Variants in G3BP2 observed in about 807,000 individuals in gnomAD.
G3BP2 encodes G3BP stress granule assembly factor 2.
In G3BP2, 11 loss-of-function variants were observed where a neutral mutation model predicts 56.7. That is an observed-to-expected ratio of 0.19 (90% CI 0.12 to 0.32). The LOEUF (loss-of-function observed/expected upper bound fraction) is 0.32. G3BP2 is among the 10% of genes least tolerant of loss of function. The probability of loss-of-function intolerance (pLI) is 1.00; values close to 1 mark genes in which losing one functional copy is unlikely to be tolerated. For missense variants in G3BP2, 340 were observed against 610.9 expected (o/e 0.56, Z 4.67); for synonymous variants, 165 against 191.6 (o/e 0.86, Z 1.15).
At chr4:75,693,108 G>C (rs1239310546) in intron 3 of G3BP2, among the ~76,000 whole-genome samples, 1 of 152,140 alleles carries the variant, frequency 6.6e-6, no homozygotes, top group Non-Finnish European at 1.5e-5. Flanking sequence ...GACGGGTGTG[G>C]TGGTACACGC....
chr4:75,678,968 C>T (rs1300656857), intron 3 of G3BP2, among the ~76,000 whole-genome samples: 1 of 152,172 alleles, frequency 6.6e-6, no homozygotes, highest in Admixed American at 6.5e-5. Flanking sequence ...TCGCAGACTG[C>T]CCACTGCTTT....
At position 75,643,556 on chromosome 4, in the gene G3BP2, A is replaced by C. The variant is rs1353261946; in HGVS notation, c.*1874T>G. ...GTCCCCAAAATATATGCAATAGTGC[A>C]AGACTTTCCCTCAAACATGGAAGAC... On this transcript the variant is annotated 3_prime_UTR_variant, in exon 12 of 12. Coordinates refer to ENST00000359707, the MANE Select transcript of G3BP2 (RefSeq NM_203505.3). The C allele has an allele frequency of 6.6e-6, 1 of 152,238 alleles. No individual in the cohort carries two copies. Among genetic ancestry groups the C allele is most frequent in the Non-Finnish European group, 1.5e-5 (1 of 67,930 alleles). The allele number at this position is 152,238 out of a possible 1,614,324, so 9.4% of individuals were successfully genotyped here.
intron 6 of G3BP2, 25 bp from the exon 7 acceptor site, chr4:75,655,271 T>C: frequency 6.5e-7 from 1 of 1,536,396 alleles, no homozygotes; most frequent in Non-Finnish European, 8.9e-7. Context: ...TTAGTTCACT[T>C]TTTAGTAGGA....
At chr4:75,673,689 G>A (rs1374879579), upstream of G3BP2, 5 of 1,143,492 alleles carry the variant, frequency 4.4e-6, no homozygotes, top group Non-Finnish European at 5.5e-6. Flanking sequence ...CTCCAGCCTT[G>A]CCGCCCTTCT....
chr4:75,686,842 C>T (rs895650088), intron 3 of G3BP2, among the ~76,000 whole-genome samples: 4 of 152,160 alleles, frequency 2.6e-5, no homozygotes, highest in African/African-American at 9.7e-5. Context: ...TGAGCAAAGA[C>T]ATTAAGTTTT....
intron 3 of G3BP2, among the ~76,000 whole-genome samples, chr4:75,716,038 G>A (rs1719914860): frequency 6.6e-6 from 1 of 152,208 alleles, no homozygotes; most frequent in African/African-American, 2.4e-5. Flanking sequence ...TTGGGAAAGA[G>A]AGAGCACATC....
At chr4:75,689,318 A>G (rs1258615290) in intron 3 of G3BP2, among the ~76,000 whole-genome samples, 1 of 152,014 alleles carries the variant, frequency 6.6e-6, no homozygotes, top group Non-Finnish European at 1.5e-5. Flanking sequence ...TGGAGGTTGC[A>G]GTGAGCCAAG....
At chr4:75,692,468 C>T (rs1354210998) in intron 3 of G3BP2, among the ~76,000 whole-genome samples, 1 of 152,112 alleles carries the variant, frequency 6.6e-6, no homozygotes, top group Non-Finnish European at 1.5e-5. Flanking sequence ...CGGGCCACCA[C>T]ACCCAGCTAA....
At chr4:75,668,748 GA>G (rs1275341773) in intron 1 of G3BP2, among the ~76,000 whole-genome samples, 2 of 152,150 alleles carry the variant, frequency 1.3e-5, no homozygotes, top group Non-Finnish European at 2.9e-5. Flanking sequence ...TGCAATGATT[GA>G]AACCCTATGC....
chr4:75,680,108 C>G (rs1172405722), intron 3 of G3BP2, among the ~76,000 whole-genome samples: 1 of 152,290 alleles, frequency 6.6e-6, no homozygotes, highest in East Asian at 1.9e-4. Flanking sequence ...ATCCAATTCT[C>G]TCCTCACCAA....
intron 3 of G3BP2, among the ~76,000 whole-genome samples, chr4:75,658,469 G>A (rs376301614): frequency 6.0e-5 from 9 of 150,972 alleles, no homozygotes; most frequent in African/African-American, 1.7e-4. Flanking sequence ...GGTGGCTCAC[G>A]GCTGTAATCC....
At chr4:75,724,139 G>A (rs1720299559) in intron 1 of G3BP2, 1 of 152,342 alleles carries the variant, frequency 6.6e-6, no homozygotes, top group South Asian at 2.0e-4. Context: ...AGTGGAATGA[G>A]GGGTGTCTAG....
chr4:75,701,752 T>G lies in G3BP2; in HGVS notation c.-25+19125A>C, dbSNP rs997586872. 2.0e-5 allele frequency among the ~76,000 whole-genome samples: 3 copies of G among 152,296 alleles called. No individual in the cohort carries two copies. The South Asian group carries it at 6.2e-4, about 32-fold the overall frequency. On this transcript the variant is annotated intron_variant, in intron 3 of 3. Coordinates refer to the G3BP2 transcript ENST00000499709. Reference sequence around the variant, plus strand: ...CTGTTTTATATTTTAGCTACTTGTTTGAAGGCTTTTGGACTCAAACACAAA... The same window carrying G: ...CTGTTTTATATTTTAGCTACTTGTTGGAAGGCTTTTGGACTCAAACACAAA...
At chr4:75,685,500 CAAA>C (rs36037063) in intron 3 of G3BP2, among the ~76,000 whole-genome samples, 1 of 84,674 alleles carries the variant, frequency 1.2e-5, no homozygotes, top group African/African-American at 4.4e-5. Flanking sequence ...GACTCCGTCT[CAAA>C]AAAAAAAAAA....
At chr4:75,685,500 CAA>C (rs36037063) in intron 3 of G3BP2, among the ~76,000 whole-genome samples, 7 of 84,694 alleles carry the variant, frequency 8.3e-5, no homozygotes, top group Non-Finnish European at 9.5e-5. Flanking sequence ...GACTCCGTCT[CAA>C]AAAAAAAAAA....
intron 3 of G3BP2, among the ~76,000 whole-genome samples, chr4:75,695,529 A>G (rs1226484147): frequency 3.3e-5 from 5 of 152,198 alleles, no homozygotes; most frequent in Non-Finnish European, 7.3e-5. Flanking sequence ...CTTGAAATAG[A>G]GATTTGGGAG....
intron 3 of G3BP2, among the ~76,000 whole-genome samples, chr4:75,701,729 G>C (rs1316000541): frequency 6.6e-6 from 1 of 152,152 alleles, no homozygotes; most frequent in Non-Finnish European, 1.5e-5. Flanking sequence ...TGCCCAGCCT[G>C]TTTTATATTT....
chr4:75,684,376 G>A (rs1225227518), intron 3 of G3BP2, among the ~76,000 whole-genome samples: 2 of 151,860 alleles, frequency 1.3e-5, no homozygotes, highest in Non-Finnish European at 2.9e-5. Flanking sequence ...CTGCACTCTG[G>A]CCTGGGCGAC....
intron 8 of G3BP2, among the ~76,000 whole-genome samples, chr4:75,651,498 T>TA (rs1316490369): frequency 3.9e-5 from 6 of 152,332 alleles, no homozygotes; most frequent in Admixed American, 3.3e-4. Context: ...AATCTGACTT[T>TA]AAGTAGATAT....
Sources: allele counts gnomAD v4.1 joint callset (sites outside exome capture counted in the v4.1 genomes callset), GRCh38; gene constraint gnomAD v4.1.1; transcripts MANE v1.5; gene names NCBI Gene and HGNC (gene_info 2026-07-23, HGNC 2026-07-21).